The following DRP2 variants were observed in gnomAD, a reference collection of about 807,000 sequenced individuals.
DRP2 encodes dystrophin related protein 2, also known as dystrophin-related protein 2.
In DRP2, 29 loss-of-function variants were observed where a neutral mutation model predicts 78.2. The observed-to-expected ratio is 0.37, with a 90% CI of 0.28 to 0.51. DRP2 has a LOEUF of 0.51. DRP2 is among the 20% of genes least tolerant of loss of function. The pLI is 0.94. For missense variants in DRP2, 686 were observed against 770.6 expected (o/e 0.89, Z 1.30); for synonymous variants, 290 against 281.9 (o/e 1.03, Z -0.29).
In DRP2 at chrX:101,231,746, C is replaced by T. The variant is rs200044530; in HGVS notation, c.99C>T (p.Ser33=). The change falls in exon 3 of 24, where the codon AGC becomes AGT. Residue 33 remains serine, a synonymous_variant. Coordinates refer to ENST00000395209, the MANE Select transcript of DRP2 (RefSeq NM_001939.3). The part of the protein sequence containing the change: ...DQFHHSSSLR[S]TCPHPQVRAA... ...TCCATCATAGCAGCAGCCTCCGAAG[C>T]ACCTGCCCCCACCCTCAGGTAAGAG... 1 of 1,205,172 alleles carries T rather than the reference C, an allele frequency of 8.3e-7. No homozygotes were observed. Among genetic ancestry groups the T allele is most frequent in the African/African-American group, 1.8e-5 (1 of 56,829 alleles).
At chrX:101,243,378 T>C (rs1377883094) in intron 9 of DRP2, among the ~76,000 whole-genome samples, 2 of 80,252 alleles carry the variant, frequency 2.5e-5, no homozygotes, top group Non-Finnish European at 4.6e-5. Flanking sequence ...GCCTGGGCGA[T>C]AAGGATGAAA....
intron 11 of DRP2, among the ~76,000 whole-genome samples, chrX:101,245,839 GC>G (rs1569509096): frequency 9.0e-6 from 1 of 111,694 alleles, no homozygotes; most frequent in Non-Finnish European, 1.9e-5. Context: ...GATCTACGGT[GC>G]AGCATATTAC....
intron 9 of DRP2, among the ~76,000 whole-genome samples, chrX:101,243,414 A>C (rs1292127462): frequency 3.0e-5 from 3 of 101,296 alleles, no homozygotes; most frequent in Non-Finnish European, 4.0e-5. Context: ...AAAAAAAAAA[A>C]AACACAATCT....
chrX:101,240,880 G>A (rs1922698054), intron 6 of DRP2, among the ~76,000 whole-genome samples: 1 of 111,865 alleles, frequency 8.9e-6, no homozygotes, highest in South Asian at 3.7e-4. Flanking sequence ...TGGGGCTATG[G>A]GGCTCTGGAT....
At chrX:101,249,925 A>T (rs1475923694) in intron 14 of DRP2, among the ~76,000 whole-genome samples, 1 of 111,923 alleles carries the variant, frequency 8.9e-6, no homozygotes, top group Non-Finnish European at 1.9e-5. Context: ...TGGATTATGC[A>T]TGCCAGTGTT....
intron 1 of DRP2, among the ~76,000 whole-genome samples, chrX:101,224,084 C>A (rs1024159795): frequency 1.9e-5 from 2 of 106,940 alleles, no homozygotes; most frequent in African/African-American, 6.8e-5. Context: ...GGAAGGGGGT[C>A]GCCTTCCCAT....
intron 2 of DRP2, among the ~76,000 whole-genome samples, chrX:101,227,561 T>A (rs1185926137): frequency 4.5e-5 from 5 of 111,738 alleles, no homozygotes; most frequent in Non-Finnish European, 7.5e-5. Flanking sequence ...TAGGTTGTAC[T>A]GAGGATCATG....
chrX:101,253,018 A>T (rs1175388776), intron 17 of DRP2, among the ~76,000 whole-genome samples: 1 of 111,720 alleles, frequency 9.0e-6, no homozygotes, highest in Admixed American at 9.5e-5. Flanking sequence ...ACAAACAAAC[A>T]AACTAAAACA....
Position 101,242,905 on chromosome X carries a change from C to T in DRP2, c.977C>T (p.Ala326Val), listed in dbSNP as rs923840594. Residue 326 changes from alanine (A) to valine (V), a missense_variant and splice_region_variant, in exon 9 of 24, where the codon GCG becomes GTG. Around this residue, in one of 2 missense-constraint regions of DRP2, gnomAD observed 423 missense variants for 531.5 expected, o/e 0.80. Transcript: ENST00000395209. Reference protein sequence around the residue: ...QINVRWKQLQASVSERLKQLQ... With the variant: ...QINVRWKQLQVSVSERLKQLQ... ...GACCTCACCCTGTTCTTTCCATAGG[C>T]GTCAGTTAGTGAGAGGCTTAAGCAG... 32 of 1,207,326 alleles carry T rather than the reference C, an allele frequency of 2.7e-5. No individual in the cohort carries two copies. In the Admixed American group the frequency reaches 5.0e-4, roughly 19 times the overall value.
At chrX:101,244,704 GCAGTCTGCT>G (rs1243053903) in intron 9 of DRP2, among the ~76,000 whole-genome samples, 1 of 112,611 alleles carries the variant, frequency 8.9e-6, no homozygotes, top group Non-Finnish European at 1.9e-5. Context: ...GGTAGAAATG[GCAGTCTGCT>G]CAGGGAGAAG....
In DRP2 at chrX:101,252,713, A is replaced by G; in HGVS notation, c.1974A>G (p.Thr658=). The change falls in exon 17 of 24, where the codon ACA becomes ACG. Residue 658 remains threonine, a synonymous_variant. Transcript: ENST00000395209. The part of the protein sequence containing the change: ...KLHYPIMEYY[T]PTTSSENMRD... ...ACTACCCCATCATGGAGTATTACAC[A>G]CCGGTATGAAGCCTCCAGGCTGGGT... 6 of 1,203,934 alleles carry G rather than the reference A, an allele frequency of 5.0e-6. No individual in the cohort carries two copies. Among genetic ancestry groups the G allele is most frequent in the Non-Finnish European group, 6.7e-6 (6 of 889,241 alleles).
intron 7 of DRP2, 132 bp from the exon 8 acceptor site, chrX:101,242,193 C>T: frequency 1.0e-6 from 1 of 972,492 alleles, no homozygotes; most frequent in Non-Finnish European, 1.4e-6. Context: ...AGTCTGGTTG[C>T]CCTAATAGGC....
chrX:101,253,759 A>G (rs977729075), intron 17 of DRP2, among the ~76,000 whole-genome samples: 19 of 109,064 alleles, frequency 1.7e-4, no homozygotes, highest in Admixed American at 3.0e-4. Flanking sequence ...TGACACAGAA[A>G]CGTGTGGCCT....
At chrX:101,230,877 A>G (rs1031281011) in intron 2 of DRP2, among the ~76,000 whole-genome samples, 2 of 111,843 alleles carry the variant, frequency 1.8e-5, no homozygotes, top group Non-Finnish European at 3.8e-5. Context: ...CGATTCCCTC[A>G]TCTGTCTCTT....
Position 101,263,264 on chromosome X carries a change from T to C in DRP2, c.*2643T>C, listed in dbSNP as rs1282364073. 2 of 112,235 alleles carry C rather than the reference T, an allele frequency of 1.8e-5. No homozygotes were observed. The highest frequency in any genetic ancestry group is 6.5e-5 in the African/African-American group (2 of 30,866). The allele number at this position is 112,235 out of a possible 1,213,427, so 9.2% of individuals were successfully genotyped here. A position where few individuals can be genotyped will look rare whatever the true frequency, so the allele number is the denominator to read the frequency against. On this transcript the variant is annotated 3_prime_UTR_variant, in exon 24 of 24. Transcript: ENST00000395209. ...GTTGGATTTACCAAAATGTGTTGTA[T>C]GTTGTTAGACATCTTGTTGTGTATT...
At chrX:101,244,530 G>A (rs1041196724) in intron 9 of DRP2, among the ~76,000 whole-genome samples, 4 of 111,558 alleles carry the variant, frequency 3.6e-5, no homozygotes, top group African/African-American at 1.3e-4. Context: ...AGAGGCATGA[G>A]TTTCCAGAGT....
At chrX:101,222,595 T>G (rs1921933088) in intron 1 of DRP2, among the ~76,000 whole-genome samples, 1 of 112,488 alleles carries the variant, frequency 8.9e-6, no homozygotes, top group Non-Finnish European at 1.9e-5. Context: ...AAATTTTGAG[T>G]GCAATATTTA....
intron 1 of DRP2, among the ~76,000 whole-genome samples, chrX:101,222,738 A>G (rs771531703): frequency 8.9e-6 from 1 of 112,342 alleles, no homozygotes; most frequent in African/African-American, 3.2e-5. Context: ...GTATAAAAAT[A>G]ATATGGTGAA....
intron 7 of DRP2, 128 bp downstream of exon 7, chrX:101,242,064 T>C: frequency 2.2e-6 from 2 of 889,704 alleles, no homozygotes; most frequent in Non-Finnish European, 3.1e-6. Flanking sequence ...TGTCAGTTTA[T>C]GTGCTAGATT....
Sources: allele counts gnomAD v4.1 joint callset (sites outside exome capture counted in the v4.1 genomes callset), GRCh38; gene constraint gnomAD v4.1.1; regional missense constraint gnomAD v4.1.1; transcripts MANE v1.5; gene names NCBI Gene and HGNC (gene_info 2026-07-23, HGNC 2026-07-21).